The following GHR variants were observed in gnomAD, a reference collection of about 807,000 sequenced individuals.
GHR encodes growth hormone receptor, also known as GH receptor.
Under a neutral mutation model 67.1 loss-of-function variants are expected in GHR, and 35 were observed. The ratio of observed to expected loss-of-function variants is 0.52; its 90% CI spans 0.40 to 0.69. GHR has a LOEUF of 0.69. GHR is among the 30% of genes least tolerant of loss of function. GHR has a pLI of 0.00. For missense variants in GHR, 792 were observed against 764.6 expected (o/e 1.04, Z -0.42); for synonymous variants, 272 against 269.1 (o/e 1.01, Z -0.10).
intron 1 of GHR, among the ~76,000 whole-genome samples, chr5:42,435,818 G>T (rs1026145488): frequency 6.6e-6 from 1 of 152,166 alleles, no homozygotes; most frequent in Non-Finnish European, 1.5e-5. Flanking sequence ...GCCCTCTCAT[G>T]TGTTAAACTT....
Position 42,566,064 on chromosome 5 carries a change from A to T in GHR, c.70+120A>T, listed in dbSNP as rs10941579. ...GATGCAAGTTTTACATAGCAGCAAA[A>T]AGGAAACTTGACTTAGCTTTAAAAT... On this transcript the variant is annotated intron_variant, in intron 2 of 9. Coordinates refer to ENST00000230882, the MANE Select transcript of GHR (RefSeq NM_000163.5). The T allele has an allele frequency of 0.28, 322,827 of 1,168,998 alleles. 48,656 individuals carry two copies. The highest frequency in any genetic ancestry group is 0.56 in the African/African-American group (37,098 of 66,082). 72.4% of individuals were successfully genotyped at this position (1,168,998 alleles called of 1,614,324 possible).
chr5:42,593,939 C>T (rs983876770), intron 2 of GHR, among the ~76,000 whole-genome samples: 4 of 152,166 alleles, frequency 2.6e-5, no homozygotes, highest in African/African-American at 4.8e-5. Context: ...AGTCCAACTT[C>T]CCTCCACCTA....
At chr5:42,649,568 C>A (rs1275282400) in intron 3 of GHR, among the ~76,000 whole-genome samples, 6 of 152,122 alleles carry the variant, frequency 3.9e-5, no homozygotes, top group African/African-American at 1.4e-4. Flanking sequence ...AGACATAAAG[C>A]CACATTTAAG....
At chr5:42,632,282 T>C (rs949265816) in intron 3 of GHR, among the ~76,000 whole-genome samples, 4 of 152,226 alleles carry the variant, frequency 2.6e-5, no homozygotes, top group Admixed American at 2.0e-4. Flanking sequence ...ATTCTGTAAA[T>C]ATAAATCAGT....
chr5:42,691,136 C>A (rs1165671516), intron 4 of GHR, among the ~76,000 whole-genome samples: 1 of 152,094 alleles, frequency 6.6e-6, no homozygotes, highest in Non-Finnish European at 1.5e-5. Context: ...GGTTCAAATC[C>A]AGGATCTACA....
At chr5:42,666,460 T>A (rs1346555672) in intron 3 of GHR, among the ~76,000 whole-genome samples, 1 of 152,188 alleles carries the variant, frequency 6.6e-6, no homozygotes. Flanking sequence ...GATGTGAAAT[T>A]TTCAGCAATT....
intron 8 of GHR, chr5:42,714,266 G>C (rs113004438): frequency 6.6e-6 from 1 of 152,048 alleles, no homozygotes; most frequent in African/African-American, 2.4e-5. Flanking sequence ...CTAGAATTAA[G>C]GTGACTAACA....
chr5:42,617,363 G>A (rs943826545), intron 2 of GHR, among the ~76,000 whole-genome samples: 1 of 148,542 alleles, frequency 6.7e-6, no homozygotes, highest in Non-Finnish European at 1.5e-5. Flanking sequence ...AGTGGCACTA[G>A]CTGCTGCTAG....
At chr5:42,712,339 GC>G (rs1307075540) in intron 7 of GHR, among the ~76,000 whole-genome samples, 2 of 151,762 alleles carry the variant, frequency 1.3e-5, no homozygotes, top group African/African-American at 2.4e-5. Context: ...AAGTACAATA[GC>G]TATACACCCT....
At chr5:42,521,243 C>T (rs1293496642) in intron 1 of GHR, among the ~76,000 whole-genome samples, 1 of 152,170 alleles carries the variant, frequency 6.6e-6, no homozygotes, top group Non-Finnish European at 1.5e-5. Flanking sequence ...CTTGAGGGTG[C>T]CTTTGCCTTG....
intron 1 of GHR, among the ~76,000 whole-genome samples, chr5:42,537,497 T>G (rs1049331024): frequency 6.6e-6 from 1 of 152,202 alleles, no homozygotes; most frequent in African/African-American, 2.4e-5. Flanking sequence ...GATTTCCAGG[T>G]TTATTCAATG....
At chr5:42,487,371 T>A (rs1224656531) in intron 1 of GHR, among the ~76,000 whole-genome samples, 2 of 152,358 alleles carry the variant, frequency 1.3e-5, no homozygotes, top group Middle Eastern at 6.8e-3. Flanking sequence ...ATGCTATTTT[T>A]AACGTAAGCG....
At chr5:42,576,692 C>T (rs1163557161) in intron 2 of GHR, among the ~76,000 whole-genome samples, 1 of 152,154 alleles carries the variant, frequency 6.6e-6, no homozygotes, top group Non-Finnish European at 1.5e-5. Flanking sequence ...ATGTTTAAGA[C>T]ATAATAGCAT....
intron 2 of GHR, among the ~76,000 whole-genome samples, chr5:42,602,337 G>A (rs1351374597): frequency 6.6e-6 from 1 of 152,102 alleles, no homozygotes; most frequent in Admixed American, 6.5e-5. Flanking sequence ...GTGAAAATGG[G>A]AGGGGGGCCG....
intron 1 of GHR, among the ~76,000 whole-genome samples, chr5:42,502,699 A>G (rs1054163746): frequency 6.6e-6 from 1 of 151,698 alleles, no homozygotes; most frequent in Non-Finnish European, 1.5e-5. Flanking sequence ...CAGGATGGCC[A>G]TCTCTGCATC....
chr5:42,502,466 C>T (rs747060560), intron 1 of GHR, among the ~76,000 whole-genome samples: 1 of 152,120 alleles, frequency 6.6e-6, no homozygotes, highest in Non-Finnish European at 1.5e-5. Context: ...TAATATCAGT[C>T]AATTGTGACT....
rs1225111418 is a variant in GHR, at chr5:42,474,299, A to AAG, written c.-12+50346_-12+50347dup. On this transcript the variant is annotated intron_variant, in intron 1 of 9. Transcript: ENST00000230882. The stretch of plus-strand genomic sequence containing the variant: ...AGAAAGAAAGAAAAAGAGAAAGAGA[A>AAG]AGAAAGAAAGAAAGAAAGAAAGAAA... Among the ~76,000 whole-genome samples the AAG allele has an allele frequency of 7.7e-4, 108 of 139,524 alleles. 1 individual carries two copies. Among genetic ancestry groups the AAG allele is most frequent in the South Asian group, 2.9e-3 (12 of 4,178 alleles). The allele number at this position is 139,524 out of a possible 152,430, so 91.5% of individuals were successfully genotyped here.
At chr5:42,671,299 G>A (rs116562901) in intron 3 of GHR, among the ~76,000 whole-genome samples, 2 of 152,130 alleles carry the variant, frequency 1.3e-5, no homozygotes, top group South Asian at 2.1e-4. Flanking sequence ...AGGAGTAAGA[G>A]AGAGTGTGAG....
At chr5:42,559,097 T>C (rs960632485) in intron 1 of GHR, among the ~76,000 whole-genome samples, 3 of 152,240 alleles carry the variant, frequency 2.0e-5, no homozygotes, top group Middle Eastern at 3.2e-3. Flanking sequence ...CAATCTGTTA[T>C]AGACTTACAT....
Sources: allele counts gnomAD v4.1 joint callset (sites outside exome capture counted in the v4.1 genomes callset), GRCh38; gene constraint gnomAD v4.1.1; transcripts MANE v1.5; gene names NCBI Gene and HGNC (gene_info 2026-07-23, HGNC 2026-07-21).